Variants in STK3 observed in about 807,000 individuals in gnomAD.
The protein encoded by STK3 is serine/threonine kinase 3.
STK3 carries 41 observed loss-of-function variants against 58.0 expected under a neutral mutation model. The ratio of observed to expected loss-of-function variants is 0.71; its 90% CI spans 0.55 to 0.92. STK3 has a LOEUF of 0.92. Among genes scored for constraint, STK3 ranks in the 40% least tolerant of loss-of-function variants. The probability of loss-of-function intolerance (pLI) is 0.00; values close to 1 mark genes in which losing one functional copy is unlikely to be tolerated. For missense variants in STK3, 479 were observed against 602.7 expected, an observed-to-expected ratio of 0.79 and a Z score of 2.15; for synonymous variants, 170 against 191.0, an observed-to-expected ratio of 0.89 and a Z score of 0.91.
intron 3 of STK3, among the ~76,000 whole-genome samples, chr8:98,848,492 G>C (rs772196062): frequency 2.6e-5 from 4 of 152,066 alleles, no homozygotes; most frequent in Admixed American, 6.6e-5. Flanking sequence ...CAGGTGATCC[G>C]CCTGCCTCGG....
At chr8:98,583,905 G>C (rs1411174662) in intron 7 of STK3, among the ~76,000 whole-genome samples, 2 of 150,820 alleles carry the variant, frequency 1.3e-5, no homozygotes, top group Admixed American at 1.3e-4. Context: ...AGAGAGAGAA[G>C]GTAACTTAGA....
chr8:98,653,402 C>A (rs909777446), intron 6 of STK3, among the ~76,000 whole-genome samples: 2 of 152,046 alleles, frequency 1.3e-5, no homozygotes, highest in Non-Finnish European at 2.9e-5. Flanking sequence ...AATTGACACC[C>A]TAATATCACA....
intron 6 of STK3, among the ~76,000 whole-genome samples, chr8:98,602,779 A>C (rs1429810142): frequency 6.6e-6 from 1 of 152,174 alleles, no homozygotes; most frequent in Non-Finnish European, 1.5e-5. Context: ...AAGAGACAGC[A>C]ATAAAATTTT....
At chr8:98,735,671 C>T (rs1255783289) in intron 4 of STK3, among the ~76,000 whole-genome samples, 2 of 152,110 alleles carry the variant, frequency 1.3e-5, no homozygotes, top group Non-Finnish European at 2.9e-5. Flanking sequence ...AATTCTAGTA[C>T]CACTACCATT....
At chr8:98,350,910 A>G in the STK3 span, among the ~76,000 whole-genome samples, 5 of 152,230 alleles carry the variant, frequency 3.3e-5, no homozygotes, top group Non-Finnish European at 5.9e-5. Context: ...ACTTTAAGAT[A>G]CACTCTAATA....
chr8:98,800,585 G>A lies in STK3; in HGVS notation c.26+24930C>T, dbSNP rs1400606167. ...CTCCCTCTGCTTGCGGGAAGGTGTG[G>A]AGGGAGAAGCGTGGGCAGGAACCAG... On this transcript the variant is annotated intron_variant, in intron 1 of 10. Coordinates refer to ENST00000419617, the MANE Select transcript of STK3 (RefSeq NM_006281.4). This position sits in a 1 kb window ranked among gnomAD's most constrained non-coding sequence, Gnocchi z 4.8. Among the ~76,000 whole-genome samples, 6 of 152,192 alleles carry A rather than the reference G, an allele frequency of 3.9e-5. No homozygotes were observed. The highest frequency in any genetic ancestry group is 8.8e-5 in the Non-Finnish European group (6 of 68,026).
intron 1 of STK3, among the ~76,000 whole-genome samples, chr8:98,917,100 G>A (rs979924177): frequency 6.6e-6 from 1 of 152,266 alleles, no homozygotes; most frequent in South Asian, 2.1e-4. Context: ...CAAGGGAGAG[G>A]GACAGAGGAT....
chr8:98,630,430 C>T (rs1390229481), intron 6 of STK3, among the ~76,000 whole-genome samples: 1 of 152,028 alleles, frequency 6.6e-6, no homozygotes, highest in Non-Finnish European at 1.5e-5. Context: ...CTGCTTGAGC[C>T]CACGTGTTCG....
Position 98,782,022 on chromosome 8 carries a change from T to C in STK3, c.27-7203A>G, listed in dbSNP as rs192680484. On this transcript the variant is annotated intron_variant, in intron 1 of 10. Coordinates refer to ENST00000419617, the MANE Select transcript of STK3 (RefSeq NM_006281.4). Reference sequence around the variant, plus strand: ...ATAAAAAATAAAATATTTGCTTTCGTTGCTGCAGCAGACGCTGTGAGTATT... The same window carrying C: ...ATAAAAAATAAAATATTTGCTTTCGCTGCTGCAGCAGACGCTGTGAGTATT... 594 of 192,372 alleles carry C rather than the reference T, an allele frequency of 3.1e-3. 14 individuals carry two copies. Among genetic ancestry groups the C allele is most frequent in the Admixed American group, 0.025 (510 of 20,608 alleles). The allele number at this position is 192,372 out of a possible 1,614,324, so 11.9% of individuals were successfully genotyped here. A position where few individuals can be genotyped will look rare whatever the true frequency, so the allele number is the denominator to read the frequency against.
At chr8:98,873,208 G>A (rs1398643989) in intron 3 of STK3, among the ~76,000 whole-genome samples, 1 of 152,098 alleles carries the variant, frequency 6.6e-6, no homozygotes, top group Non-Finnish European at 1.5e-5. Context: ...GAGAGACAGT[G>A]TGCTATAATT....
At chr8:98,423,372 G>C (rs78518938) in intron 3 of STK3, among the ~76,000 whole-genome samples, 2 of 152,368 alleles carry the variant, frequency 1.3e-5, no homozygotes, top group Admixed American at 1.3e-4. Flanking sequence ...TGGTAGTGCA[G>C]AGGCCCTGCA....
At chr8:98,402,483 C>A (rs930746001) in intron 3 of STK3, among the ~76,000 whole-genome samples, 6 of 152,176 alleles carry the variant, frequency 3.9e-5, no homozygotes, top group African/African-American at 1.2e-4. Flanking sequence ...AAGTCTGGGC[C>A]CCACAGGAGA....
intron 3 of STK3, among the ~76,000 whole-genome samples, chr8:98,423,688 G>A (rs1264968988): frequency 6.6e-6 from 1 of 152,202 alleles, no homozygotes; most frequent in Admixed American, 6.5e-5. Context: ...AACACCAGGG[G>A]GAAGGTCAAG....
At chr8:98,483,744 G>T (rs1822020589) in intron 10 of STK3, among the ~76,000 whole-genome samples, 1 of 152,162 alleles carries the variant, frequency 6.6e-6, no homozygotes, top group African/African-American at 2.4e-5. Context: ...AAAAGATAAG[G>T]AAGTAAAAGG....
chr8:98,597,317 A>G, intron 6 of STK3: 1 of 985,442 alleles, frequency 1.0e-6, no homozygotes, highest in Non-Finnish European at 1.2e-6. Flanking sequence ...TCTGTTGATT[A>G]TAGGTTAAGA....
At chr8:98,806,105 G>A (rs1833869396) in intron 1 of STK3, among the ~76,000 whole-genome samples, 1 of 152,138 alleles carries the variant, frequency 6.6e-6, no homozygotes, top group African/African-American at 2.4e-5. Context: ...GCTAGAATAT[G>A]AATTCCATAA....
chr8:98,401,143 C>T (rs1293249916), downstream of STK3, among the ~76,000 whole-genome samples: 1 of 152,134 alleles, frequency 6.6e-6, no homozygotes, highest in East Asian at 1.9e-4. Context: ...AGTCCAGCCC[C>T]CTGAAGATGC....
At chr8:98,351,447 T>C in the STK3 span, among the ~76,000 whole-genome samples, 1 of 152,212 alleles carries the variant, frequency 6.6e-6, no homozygotes, top group South Asian at 2.1e-4. Flanking sequence ...CTGAGTCTGC[T>C]GTGTATGCAA....
chr8:98,529,013 T>C (rs1398121560), intron 9 of STK3, among the ~76,000 whole-genome samples: 1 of 152,124 alleles, frequency 6.6e-6, no homozygotes, highest in East Asian at 1.9e-4. Flanking sequence ...AGTCTACTGT[T>C]CCTCTAAAAA....
Sources: gnomAD v4.1 joint callset for allele counts (sites outside exome capture counted in the v4.1 genomes callset) on GRCh38, gnomAD v4.1.1 for gene constraint, Gnocchi (gnomAD v3.1) non-coding constraint, MANE v1.5 for transcripts, NCBI Gene and HGNC (gene_info 2026-07-23, HGNC 2026-07-21) for gene names.